Variants in CCDC47 observed in about 807,000 individuals in gnomAD.
CCDC47 encodes coiled-coil domain containing 47, also known as PAT complex subunit CCDC47.
A neutral mutation model predicts 60.5 loss-of-function variants in CCDC47; 41 were observed. That is an observed-to-expected ratio of 0.68 (90% CI 0.53 to 0.88). The LOEUF is 0.88. Ranked by LOEUF, CCDC47 falls within the 40% of genes least tolerant of loss-of-function variation. The pLI is 0.00. For synonymous variants in CCDC47, 195 were observed against 190.7 expected, an observed-to-expected ratio of 1.02 and a Z score of -0.18; for missense variants, 513 against 580.9, an observed-to-expected ratio of 0.88 and a Z score of 1.20.
intron 6 of CCDC47, among the ~76,000 whole-genome samples, chr17:63,758,815 G>A (rs2039227255): frequency 6.6e-6 from 1 of 152,092 alleles, no homozygotes; most frequent in Non-Finnish European, 1.5e-5. Flanking sequence ...GATGGCAGCT[G>A]TAAAAGAAAA....
chr17:63,760,950 G>A lies in CCDC47; in HGVS notation c.699C>T (p.Val233=). Residue 233 remains valine, a synonymous_variant, in exon 6 of 13, where the codon GTC becomes GTT. Coordinates refer to ENST00000225726, the MANE Select transcript of CCDC47 (RefSeq NM_020198.3). Reference sequence around the variant, plus strand: ...TCACTGGCCTCATCATCCGGGCCAGGACATTCAGTAAGTCTTGTCTCTTGA... The same window carrying A: ...TCACTGGCCTCATCATCCGGGCCAGAACATTCAGTAAGTCTTGTCTCTTGA... The part of the protein sequence containing the change: ...RFLKRQDLLN[V]LARMMRPVSD... 2 of 1,613,638 alleles carry A rather than the reference G, an allele frequency of 1.2e-6. No homozygotes were observed. Among genetic ancestry groups the A allele is most frequent in the Non-Finnish European group, 1.7e-6 (2 of 1,179,772 alleles).
Position 63,764,817 on chromosome 17 carries a change from C to T in CCDC47, c.295G>A (p.Asp99Asn). The change falls in exon 3 of 13, where the codon GAT (aspartate) becomes AAT (asparagine). Residue 99 changes from aspartate to asparagine, a missense_variant. Transcript: ENST00000225726. ...TCTTCATAACCTTCAAATTCTTCAT[C>T]ATCATATGGTTCACTCTCAGTATCT... is the stretch of plus-strand genomic sequence containing the variant. ...EGDTESEPYD[D>N]EEFEGYEDKP... 6.2e-7 allele frequency: 1 copy of T among 1,613,316 alleles called. No individual in the cohort carries two copies. Among genetic ancestry groups the T allele is most frequent in the Non-Finnish European group, 8.5e-7 (1 of 1,179,804 alleles).
At chr17:63,760,215 A>G (rs1376320222) in intron 6 of CCDC47, among the ~76,000 whole-genome samples, 1 of 152,002 alleles carries the variant, frequency 6.6e-6, no homozygotes, top group East Asian at 1.9e-4. Context: ...TTCGGCCAGA[A>G]ACGTATTATT....
At chr17:63,761,100 T>C in intron 5 of CCDC47, 121 bp from the exon 6 acceptor site, 2 of 1,407,102 alleles carry the variant, frequency 1.4e-6, no homozygotes, top group South Asian at 2.4e-5. Context: ...TGCCAGTTAG[T>C]ATAAATATCA....
Position 63,766,732 on chromosome 17 carries a change from T to C in CCDC47, c.-19-538A>G, listed in dbSNP as rs188430716. The C allele has an allele frequency of 8.5e-4, 604 of 710,296 alleles. 1 individual carries two copies. Among genetic ancestry groups the C allele is most frequent in the Non-Finnish European group, 1.0e-3 (580 of 579,140 alleles). The allele number at this position is 710,296 out of a possible 1,614,324, so 44.0% of individuals were successfully genotyped here. A position where few individuals can be genotyped will look rare whatever the true frequency, so the allele number is the denominator to read the frequency against. On this transcript the variant is annotated intron_variant, in intron 1 of 12. Transcript: ENST00000225726. ...GAGCCACTGTGCCCAGCCCAAGTCATTTAATTTCTTTAGGTTGGGTTTTCT... is the reference window on the plus strand; with the variant it reads ...GAGCCACTGTGCCCAGCCCAAGTCACTTAATTTCTTTAGGTTGGGTTTTCT...
Position 63,754,456 on chromosome 17 carries a change from G to A in CCDC47, c.1011C>T (p.Phe337=). Residue 337 remains phenylalanine, a synonymous_variant, in exon 9 of 13, where the codon TTC becomes TTT. Transcript: ENST00000225726. ...KIESVHFSDQ[F]SGPKIMQEEG... is the part of the protein sequence containing the mutation. ...ACTCTTGCATAATTTTTGGACCAGA[G>A]AACTGGTCTGAAAAATGAACAGATT... 6.2e-7 allele frequency: 1 copy of A among 1,603,550 alleles called. No individual in the cohort carries two copies. The highest frequency in any genetic ancestry group is 8.5e-7 in the Non-Finnish European group (1 of 1,172,218).
chr17:63,757,820 A>T (rs2039219203), intron 6 of CCDC47, among the ~76,000 whole-genome samples: 1 of 152,194 alleles, frequency 6.6e-6, no homozygotes, highest in Non-Finnish European at 1.5e-5. Context: ...ACTTATACTG[A>T]GCCCCTTTTA....
At chr17:63,765,068 A>T in intron 2 of CCDC47, 1 of 527,596 alleles carries the variant, frequency 1.9e-6, no homozygotes, top group Non-Finnish European at 2.4e-6. Context: ...AGTTAATAAT[A>T]ATGTATTGTA....
In CCDC47 at chr17:63,745,458, GTAAT is replaced by G. The variant is rs758073154; in HGVS notation, c.*1419_*1422del. The G allele has an allele frequency of 5.9e-5, 9 of 152,146 alleles. No individual in the cohort carries two copies. Among genetic ancestry groups the G allele is most frequent in the Non-Finnish European group, 1.0e-4 (7 of 68,038 alleles). The allele number at this position is 152,146 out of a possible 1,614,324, so 9.4% of individuals were successfully genotyped here. ...ACTACTATAATTATATAATATTAAAGTAATTAAGTTTTATGTTAGTTATTTTAAT... is the reference window on the plus strand; with the variant it reads ...ACTACTATAATTATATAATATTAAAGTAAGTTTTATGTTAGTTATTTTAAT... On this transcript the variant is annotated 3_prime_UTR_variant, in exon 13 of 13. Coordinates refer to ENST00000225726, the MANE Select transcript of CCDC47 (RefSeq NM_020198.3).
chr17:63,760,836 CAA>C (rs374704881), intron 6 of CCDC47, 76 bp downstream of exon 6: 59,873 of 750,420 alleles, frequency 0.08, no homozygotes, highest in South Asian at 0.11. Flanking sequence ...GAGACTCCAT[CAA>C]AAAAAAAAAA....
chr17:63,747,605 T>A, intron 12 of CCDC47: 4 of 985,298 alleles, frequency 4.1e-6, no homozygotes, highest in Non-Finnish European at 4.8e-6. Flanking sequence ...AGTCAAAGTA[T>A]GACTTCACTG....
chr17:63,749,733 G>A (rs1363361616), intron 12 of CCDC47, among the ~76,000 whole-genome samples: 2 of 150,886 alleles, frequency 1.3e-5, no homozygotes, highest in Non-Finnish European at 2.9e-5. Context: ...TGGTGAAAGA[G>A]CGAGACTCTG....
At chr17:63,771,948 G>A (rs560100581) in intron 1 of CCDC47, among the ~76,000 whole-genome samples, 1 of 152,130 alleles carries the variant, frequency 6.6e-6, no homozygotes, top group African/African-American at 2.4e-5. Flanking sequence ...CGGGCGTGGT[G>A]GCAGGCACCT....
At position 63,766,126 on chromosome 17, in the gene CCDC47, A is replaced by G. The variant is rs964485699; in HGVS notation, c.50T>C (p.Val17Ala). 2.5e-6 allele frequency: 4 copies of G among 1,613,924 alleles called. No individual in the cohort carries two copies. The highest frequency in any genetic ancestry group is 3.4e-6 in the Non-Finnish European group (4 of 1,179,986). Reference protein sequence around the residue: ...FCVVLLVFGSVSEAKFDDFED... With the variant: ...FCVVLLVFGSASEAKFDDFED... ...AAAATCATCAAACTTGGCTTCAGAG[A>G]CACTCCCAAACACCAGAAGGACAAC... The change falls in exon 2 of 13, where the codon GTC becomes GCC. Residue 17 changes from valine (V) to alanine (A), a missense_variant. Coordinates refer to ENST00000225726, the MANE Select transcript of CCDC47 (RefSeq NM_020198.3).
At position 63,746,814 on chromosome 17, in the gene CCDC47, G is replaced by C. The variant is rs1248772332; in HGVS notation, c.*67C>G. The C allele has an allele frequency of 8.3e-7, 1 of 1,199,784 alleles. No homozygotes were observed. Among genetic ancestry groups the C allele is most frequent in the Non-Finnish European group, 1.2e-6 (1 of 807,614 alleles). 74.3% of individuals were successfully genotyped at this position (1,199,784 alleles called of 1,614,324 possible). A position where few individuals can be genotyped will look rare whatever the true frequency, so the allele number is the denominator to read the frequency against. ...ATTTAAGGTTGAGAAATGGACTGGC[G>C]TTTTTCATGTTTCCTGTGAATTCAG... On this transcript the variant is annotated 3_prime_UTR_variant, in exon 13 of 13. Coordinates refer to ENST00000225726, the MANE Select transcript of CCDC47 (RefSeq NM_020198.3).
intron 6 of CCDC47, among the ~76,000 whole-genome samples, chr17:63,758,525 TA>T (rs1374615723): frequency 5.3e-5 from 8 of 151,998 alleles, no homozygotes; most frequent in African/African-American, 1.9e-4. Flanking sequence ...AAAAAAAATT[TA>T]AATTTACAAA....
At position 63,769,562 on chromosome 17, in the gene CCDC47, G is replaced by A. The variant is rs1377148310; in HGVS notation, c.-19-3368C>T. On this transcript the variant is annotated intron_variant, in intron 1 of 12. Transcript: ENST00000225726. ...CAGGAGGTGGAGGTTGCAGTGAGCC[G>A]AGACAGCGCCATTGCAGTCCAGCCT... 2.8e-5 allele frequency among the ~76,000 whole-genome samples: 4 copies of A among 145,138 alleles called. No homozygotes were observed. In the South Asian group the frequency reaches 6.5e-4, roughly 23 times the overall value.
intron 1 of CCDC47, among the ~76,000 whole-genome samples, chr17:63,772,432 T>A (rs2039353259): frequency 6.6e-6 from 1 of 151,884 alleles, no homozygotes; most frequent in South Asian, 2.1e-4. Context: ...TTTTTGTATT[T>A]TTAGTAGAGA....
In CCDC47 at chr17:63,754,422, C is replaced by T. The variant is rs1170706411; in HGVS notation, c.1034+11G>A. ...GGAAAATTAATTTCAACAATTTTAT[C>T]TTATACGTACTCTTGCATAATTTTT... is the stretch of plus-strand genomic sequence containing the variant. On this transcript the variant is annotated intron_variant, in intron 9 of 12. Transcript: ENST00000225726. 6.6e-7 allele frequency: 1 copy of T among 1,519,516 alleles called. No homozygotes were observed. Among genetic ancestry groups the T allele is most frequent in the East Asian group, 2.3e-5 (1 of 44,408 alleles). The allele number at this position is 1,519,516 out of a possible 1,614,324, so 94.1% of individuals were successfully genotyped here.
Sources: allele counts gnomAD v4.1 joint callset (sites outside exome capture counted in the v4.1 genomes callset), GRCh38; gene constraint gnomAD v4.1.1; transcripts MANE v1.5; gene names NCBI Gene and HGNC (gene_info 2026-07-23, HGNC 2026-07-21).